The following TENM3 variants were observed in gnomAD, a reference collection of about 807,000 sequenced individuals.
TENM3 encodes teneurin-3.
TENM3 carries 63 observed loss-of-function variants against 255.1 expected under a neutral mutation model. The observed-to-expected ratio is 0.25, with a 90% CI of 0.20 to 0.30. The LOEUF is 0.30. Among genes scored for constraint, TENM3 ranks in the 10% least tolerant of loss-of-function variants. The pLI is 1.00. For synonymous variants in TENM3, 1,306 were observed against 1,322.3 expected (o/e 0.99, Z 0.27); for missense variants, 2,929 against 3,461.1 (o/e 0.85, Z 3.86).
chr4:181,810,358 A>T, the TENM3 span, among the ~76,000 whole-genome samples: 3 of 152,172 alleles, frequency 2.0e-5, no homozygotes, highest in African/African-American at 2.4e-5. Context: ...TGGAACCAGC[A>T]AATTATCTGA....
rs556228314 is a variant in TENM3, at chr4:182,528,257, A to G, written c.512-72667A>G. Among the ~76,000 whole-genome samples the G allele has an allele frequency of 1.7e-3, 255 of 152,244 alleles. 3 individuals carry two copies. The highest frequency in any genetic ancestry group is 5.8e-3 in the African/African-American group (239 of 41,546). On this transcript the variant is annotated intron_variant, in intron 3 of 27. Transcript: ENST00000511685. ...CTCACCCTCCCGAGTAGCTGAGATTATAGACATGCACCACCACGTCCAGCT... is the reference window on the plus strand; with the variant it reads ...CTCACCCTCCCGAGTAGCTGAGATTGTAGACATGCACCACCACGTCCAGCT...
chr4:182,017,861 A>G, the TENM3 span, among the ~76,000 whole-genome samples: 1 of 152,236 alleles, frequency 6.6e-6, no homozygotes, highest in Non-Finnish European at 1.5e-5. Context: ...TTGCTATTTT[A>G]CAAACTAAAG....
At chr4:182,112,593 A>G in the TENM3 span, among the ~76,000 whole-genome samples, 35 of 152,152 alleles carry the variant, frequency 2.3e-4, no homozygotes, top group Middle Eastern at 3.2e-3. Flanking sequence ...AAAGGATTTT[A>G]TTTTACTCTA....
rs375979221 is a variant in TENM3, at chr4:182,730,998, A to G, written c.2826A>G (p.Leu942=). 2.7e-5 allele frequency: 44 copies of G among 1,613,804 alleles called. No individual in the cohort carries two copies. In the African/African-American group the frequency reaches 5.5e-4, roughly 20 times the overall value. ...PWNVFYVMDT[L]VMKKEENDIP... ...ATGTCTTTTATGTGATGGATACCCT[A>G]GTCATGAAGAAAGAAGAGAATGACA... The change falls in exon 16 of 28, where the codon CTA becomes CTG. Residue 942 remains leucine, a synonymous_variant. Transcript: ENST00000511685.
intron 3 of TENM3, among the ~76,000 whole-genome samples, chr4:182,494,006 A>G (rs937614124): frequency 1.3e-5 from 2 of 152,198 alleles, no homozygotes; most frequent in Non-Finnish European, 2.9e-5. Context: ...AGGTCTATGT[A>G]GTATTCCCCT....
chr4:182,115,432 G>A, the TENM3 span, among the ~76,000 whole-genome samples: 24 of 152,102 alleles, frequency 1.6e-4, no homozygotes, highest in Non-Finnish European at 2.4e-4. Flanking sequence ...CATTCTTTGG[G>A]TGCCTTAAAT....
At chr4:182,111,624 T>C in the TENM3 span, among the ~76,000 whole-genome samples, 2 of 152,200 alleles carry the variant, frequency 1.3e-5, no homozygotes, top group Non-Finnish European at 2.9e-5. Context: ...AAGGAGTCTT[T>C]TCCTTAGGTC....
the TENM3 span, among the ~76,000 whole-genome samples, chr4:181,791,503 T>C: frequency 6.6e-6 from 1 of 152,218 alleles, no homozygotes; most frequent in Non-Finnish European, 1.5e-5. Flanking sequence ...TTATTGTGCT[T>C]TCTGGACATT....
the TENM3 span, among the ~76,000 whole-genome samples, chr4:181,640,968 C>A: frequency 6.6e-6 from 1 of 152,142 alleles, no homozygotes; most frequent in Non-Finnish European, 1.5e-5. Context: ...AAAGGGTGAA[C>A]TATTTCTTCA....
intron 3 of TENM3, among the ~76,000 whole-genome samples, chr4:182,459,733 G>A (rs1404840601): frequency 6.6e-6 from 1 of 152,024 alleles, no homozygotes; most frequent in African/African-American, 2.4e-5. Context: ...TGAGATATCA[G>A]TATAAACACC....
At chr4:181,614,286 T>C in the TENM3 span, among the ~76,000 whole-genome samples, 8 of 152,312 alleles carry the variant, frequency 5.3e-5, no homozygotes, top group East Asian at 1.5e-3. Flanking sequence ...GTTTTTCTCC[T>C]GCAAACTGCC....
intron 3 of TENM3, among the ~76,000 whole-genome samples, chr4:182,425,422 C>A (rs1771131786): frequency 1.3e-5 from 2 of 152,142 alleles, no homozygotes; most frequent in Non-Finnish European, 2.9e-5. Flanking sequence ...AGATAATCTC[C>A]TGTATCTTAG....
At chr4:181,771,921 G>A in the TENM3 span, among the ~76,000 whole-genome samples, 1 of 152,140 alleles carries the variant, frequency 6.6e-6, no homozygotes, top group Non-Finnish European at 1.5e-5. Flanking sequence ...ATCTGGGCTG[G>A]CTAACGTTCT....
intron 12 of TENM3, among the ~76,000 whole-genome samples, chr4:182,692,831 G>A (rs931779834): frequency 6.6e-6 from 1 of 152,058 alleles, no homozygotes; most frequent in Non-Finnish European, 1.5e-5. Flanking sequence ...TTAGCTTAAG[G>A]AGTATTTTTA....
chr4:181,809,382 A>AT, the TENM3 span, among the ~76,000 whole-genome samples: 2 of 152,108 alleles, frequency 1.3e-5, no homozygotes, highest in South Asian at 2.1e-4. Flanking sequence ...TATATTTTGA[A>AT]TTTTTTAGAG....
chr4:182,548,943 T>C (rs1381684526), intron 3 of TENM3, among the ~76,000 whole-genome samples: 2 of 152,240 alleles, frequency 1.3e-5, no homozygotes, highest in African/African-American at 4.8e-5. Context: ...GATTGCTTTA[T>C]GATATTTTCT....
intron 1 of TENM3, among the ~76,000 whole-genome samples, chr4:182,310,733 G>A (rs28656967): frequency 6.6e-6 from 1 of 151,776 alleles, no homozygotes; most frequent in Admixed American, 6.6e-5. Flanking sequence ...TTGAGACAGA[G>A]TCTCACTCTG....
At chr4:182,254,714 T>C (rs1758261119) in intron 1 of TENM3, among the ~76,000 whole-genome samples, 1 of 152,200 alleles carries the variant, frequency 6.6e-6, no homozygotes, top group Non-Finnish European at 1.5e-5. Context: ...TCATAACCTA[T>C]TATTTTCTTG....
the TENM3 span, among the ~76,000 whole-genome samples, chr4:181,623,025 T>A: frequency 6.6e-6 from 1 of 152,178 alleles, no homozygotes; most frequent in Non-Finnish European, 1.5e-5. Flanking sequence ...CCTAAGGAAT[T>A]CATTTCTAAT....
Sources: gnomAD v4.1 joint callset for allele counts (sites outside exome capture counted in the v4.1 genomes callset) on GRCh38, gnomAD v4.1.1 for gene constraint, MANE v1.5 for transcripts, NCBI Gene and HGNC (gene_info 2026-07-23, HGNC 2026-07-21) for gene names.